GALNT14: variants seen among roughly 807,000 people sequenced by gnomAD.
GALNT14 encodes polypeptide N-acetylgalactosaminyltransferase 14, also known as UDP-GalNAc:polypeptide N-acetylgalactosaminyltransferase 14.
In GALNT14, 60 loss-of-function variants were observed where a neutral mutation model predicts 77.5. That is an observed-to-expected ratio of 0.77 (90% CI 0.63 to 0.96). GALNT14 has a LOEUF of 0.96. Among genes scored for constraint, GALNT14 ranks in the 40% least tolerant of loss-of-function variants. GALNT14 has a pLI of 0.00. For missense variants in GALNT14, 710 were observed against 731.0 expected, an observed-to-expected ratio of 0.97 and a Z score of 0.33; for synonymous variants, 280 against 281.7, an observed-to-expected ratio of 0.99 and a Z score of 0.06.
intron 1 of GALNT14, among the ~76,000 whole-genome samples, chr2:31,135,791 T>C (rs530583477): frequency 2.5e-4 from 38 of 151,950 alleles, no homozygotes; most frequent in Non-Finnish European, 4.3e-4. Context: ...CCCACCCCCA[T>C]GCCAAAGGAC....
chr2:31,112,283 G>A (rs149251696), intron 1 of GALNT14, among the ~76,000 whole-genome samples: 2 of 152,288 alleles, frequency 1.3e-5, no homozygotes, highest in Non-Finnish European at 2.9e-5. Context: ...ACCTGTGCTT[G>A]CCAACAACAC....
chr2:31,106,805 A>G (rs1382454485), intron 1 of GALNT14, among the ~76,000 whole-genome samples: 2 of 152,092 alleles, frequency 1.3e-5, no homozygotes, highest in Non-Finnish European at 2.9e-5. Context: ...TCTACCAATG[A>G]TCCTACTTTC....
chr2:31,092,829 C>A (rs1395956584), intron 1 of GALNT14, among the ~76,000 whole-genome samples: 1 of 152,192 alleles, frequency 6.6e-6, no homozygotes, highest in Non-Finnish European at 1.5e-5. Flanking sequence ...GGTACCCTTT[C>A]ATTAGGTTGG....
intron 1 of GALNT14, among the ~76,000 whole-genome samples, chr2:31,026,757 C>T (rs923345071): frequency 2.0e-5 from 3 of 152,192 alleles, no homozygotes; most frequent in African/African-American, 4.8e-5. Context: ...TCCAGTCTGA[C>T]GTTCTCCCAT....
chr2:31,053,867 G>A (rs1257509751), intron 1 of GALNT14, among the ~76,000 whole-genome samples: 1 of 152,204 alleles, frequency 6.6e-6, no homozygotes, highest in African/African-American at 2.4e-5. Flanking sequence ...TAGCATTTAA[G>A]TCTGATCAAG....
chr2:30,957,033 C>T (rs1667412025), intron 4 of GALNT14, among the ~76,000 whole-genome samples: 1 of 152,186 alleles, frequency 6.6e-6, no homozygotes, highest in African/African-American at 2.4e-5. Context: ...TACTCCCTGG[C>T]TTGCCTGCTG....
intron 13 of GALNT14, among the ~76,000 whole-genome samples, chr2:30,912,869 T>A (rs1418586986): frequency 6.6e-6 from 1 of 152,128 alleles, no homozygotes; most frequent in Non-Finnish European, 1.5e-5. Flanking sequence ...GAAGGATAAA[T>A]GGAACAAGTG....
chr2:31,092,252 T>A (rs1334662305), intron 1 of GALNT14, among the ~76,000 whole-genome samples: 2 of 133,324 alleles, frequency 1.5e-5, no homozygotes, highest in African/African-American at 6.0e-5. Flanking sequence ...TTTTCCTTAA[T>A]AAACTCCCCT....
intron 1 of GALNT14, among the ~76,000 whole-genome samples, chr2:31,021,792 G>A (rs1312691973): frequency 6.6e-6 from 1 of 152,188 alleles, no homozygotes; most frequent in Non-Finnish European, 1.5e-5. Flanking sequence ...TTGAGTCCTG[G>A]TGCAGCAGAA....
At chr2:31,118,768 A>T (rs1254609995) in intron 1 of GALNT14, among the ~76,000 whole-genome samples, 2 of 152,182 alleles carry the variant, frequency 1.3e-5, no homozygotes, top group Non-Finnish European at 2.9e-5. Context: ...ACTTATTTTG[A>T]TAATGATGTG....
In GALNT14 at chr2:30,958,386, A is replaced by C; in HGVS notation, c.466+11T>G. 6.2e-7 allele frequency: 1 copy of C among 1,611,702 alleles called. No individual in the cohort carries two copies. The highest frequency in any genetic ancestry group is 8.5e-7 in the Non-Finnish European group (1 of 1,177,768). ...TTCGTGTCTAAAGAGCAAGTGAGCA[A>C]CATGACTTACGGTCATTGCTGAAGT... On this transcript the variant is annotated intron_variant, in intron 4 of 14. Transcript: ENST00000349752.
chr2:30,941,592 C>G (rs1292559895), intron 9 of GALNT14, among the ~76,000 whole-genome samples: 1 of 152,186 alleles, frequency 6.6e-6, no homozygotes. Flanking sequence ...TCAGCTCTAT[C>G]CCACCATGAC....
At position 30,924,264 on chromosome 2, in the gene GALNT14, C is replaced by G. The variant is rs757316375; in HGVS notation, c.1236-1G>C. 9.9e-6 allele frequency: 16 copies of G among 1,614,020 alleles called. No individual in the cohort carries two copies. The highest frequency in any genetic ancestry group is 1.4e-5 in the Non-Finnish European group (16 of 1,179,938). On this transcript the variant is annotated splice_acceptor_variant, in intron 12 of 14. Coordinates refer to ENST00000349752, the MANE Select transcript of GALNT14 (RefSeq NM_024572.4). LOFTEE classifies it high-confidence loss of function. The stretch of plus-strand genomic sequence containing the variant: ...CTGGATGGAGGACTCCTTGGGGATG[C>G]TGGAGGAGAGTCACAGGGAGAGAGG...
At chr2:30,899,596 T>C in the GALNT14 span, among the ~76,000 whole-genome samples, 1 of 152,218 alleles carries the variant, frequency 6.6e-6, no homozygotes, top group South Asian at 2.1e-4. Context: ...TCCTTCTTTC[T>C]TCCTTCATTA....
At chr2:31,043,080 C>T (rs1673199408) in intron 1 of GALNT14, among the ~76,000 whole-genome samples, 1 of 152,152 alleles carries the variant, frequency 6.6e-6, no homozygotes, top group Non-Finnish European at 1.5e-5. Flanking sequence ...TTGGCTATAC[C>T]TGACCCTTGC....
rs1386328822 is a variant in GALNT14 at position 30,911,063 on chromosome 2, G to T, written c.1501-4C>A. 5 of 1,613,334 alleles carry T rather than the reference G, an allele frequency of 3.1e-6. No individual in the cohort carries two copies. The highest frequency in any genetic ancestry group is 4.2e-6 in the Non-Finnish European group (5 of 1,179,628). ...GGGAACCAGTTTTGGTCCATTGCTG[G>T]TAAGACAAAGAAGAGAGTGAATGAA... On this transcript the variant is annotated splice_region_variant and splice_polypyrimidine_tract_variant and intron_variant, in intron 14 of 14. Transcript: ENST00000349752.
At chr2:30,934,323 C>T (rs1429937656) in intron 9 of GALNT14, among the ~76,000 whole-genome samples, 1 of 152,148 alleles carries the variant, frequency 6.6e-6, no homozygotes, top group Non-Finnish European at 1.5e-5. Flanking sequence ...CAACTCCTCT[C>T]CAGAGACTCA....
At chr2:31,051,058 G>A (rs1034996093) in intron 1 of GALNT14, among the ~76,000 whole-genome samples, 1 of 152,268 alleles carries the variant, frequency 6.6e-6, no homozygotes, top group South Asian at 2.1e-4. Flanking sequence ...TCGCTGGATG[G>A]AGGCAATGAA....
At position 30,992,919 on chromosome 2, in the gene GALNT14, G is replaced by A. The variant is rs1298130844; in HGVS notation, c.218C>T (p.Pro73Leu). The change falls in exon 2 of 15, where the codon CCC becomes CTC. Residue 73 changes from proline to leucine, a missense_variant. Transcript: ENST00000349752. ...CTGGTTGAAAGCATACAGCTTATAG[G>A]GGTCGTCACCAACGCGCCACTTTTT... ...NAKKWRVGDDPYKLYAFNQRE... is the reference protein window; with the variant it reads ...NAKKWRVGDDLYKLYAFNQRE... The A allele has an allele frequency of 3.1e-6, 5 of 1,614,162 alleles. No homozygotes were observed. Among genetic ancestry groups the A allele is most frequent in the South Asian group, 2.2e-5 (2 of 91,080 alleles).
Sources: gnomAD v4.1 joint callset for allele counts (sites outside exome capture counted in the v4.1 genomes callset) on GRCh38, gnomAD v4.1.1 for gene constraint, MANE v1.5 for transcripts, NCBI Gene and HGNC (gene_info 2026-07-23, HGNC 2026-07-21) for gene names.